Variants in CCDC171 observed in about 807,000 individuals in gnomAD.
CCDC171 encodes coiled-coil domain-containing protein 171.
CCDC171 carries 177 observed loss-of-function variants against 168.2 expected under a neutral mutation model. That is an observed-to-expected ratio of 1.05 (90% CI 0.93 to 1.19). CCDC171 has a LOEUF of 1.19. Ranked by LOEUF, CCDC171 falls within the 50% of genes most tolerant of loss-of-function variation. CCDC171 has a pLI of 0.00. For missense variants in CCDC171, 1,991 were observed against 1,539.0 expected, an observed-to-expected ratio of 1.29 and a Z score of -4.91; for synonymous variants, 687 against 540.8, an observed-to-expected ratio of 1.27 and a Z score of -3.75.
intron 19 of CCDC171, among the ~76,000 whole-genome samples, chr9:15,778,643 C>CAA (rs527592822): frequency 0.16 from 9,083 of 57,630 alleles, 1,271 homozygotes; most frequent in African/African-American, 0.3. Flanking sequence ...AAGACTGTCT[C>CAA]AAAAAAAAAA....
chr9:15,862,254 T>G (rs2061591827), intron 23 of CCDC171, among the ~76,000 whole-genome samples: 1 of 151,906 alleles, frequency 6.6e-6, no homozygotes, highest in Non-Finnish European at 1.5e-5. Flanking sequence ...TCTTTATTAC[T>G]ATTATTATTT....
At chr9:16,010,915 C>G (rs1006065038) in intron 3 of CCDC171, among the ~76,000 whole-genome samples, 5 of 152,112 alleles carry the variant, frequency 3.3e-5, no homozygotes, top group Non-Finnish European at 5.9e-5. Context: ...ATACCCACAT[C>G]TGACTGTCAT....
chr9:16,081,858 A>C, the CCDC171 span, among the ~76,000 whole-genome samples: 1 of 152,022 alleles, frequency 6.6e-6, no homozygotes. Flanking sequence ...ATTACTTTAA[A>C]AAAAAAAACC....
At position 15,591,350 on chromosome 9, in the gene CCDC171, A is replaced by G; in HGVS notation, c.353-16A>G. The G allele has an allele frequency of 1.3e-6, 2 of 1,516,932 alleles. No homozygotes were observed. Among genetic ancestry groups the G allele is most frequent in the South Asian group, 2.4e-5 (2 of 82,344 alleles). 94.0% of individuals were successfully genotyped at this position (1,516,932 alleles called of 1,614,324 possible). On this transcript the variant is annotated splice_polypyrimidine_tract_variant and intron_variant, in intron 4 of 25. Coordinates refer to ENST00000380701, the MANE Select transcript of CCDC171 (RefSeq NM_173550.4). ...ATTCATGGTTGTAAATGTACCTATT[A>G]TTCTATTCTTAATAGCACAGAATTC... is the stretch of plus-strand genomic sequence containing the variant.
rs186003357 is a variant in CCDC171 at position 15,838,249 on chromosome 9, A to C, written c.3268-8453A>C. On this transcript the variant is annotated intron_variant, in intron 21 of 25. Coordinates refer to ENST00000380701, the MANE Select transcript of CCDC171 (RefSeq NM_173550.4). ...ATATTAAGGAAAACTATTATAAGCCAGTTCTTTGAAAATCATTTTTAACAT... is the reference window on the plus strand; with the variant it reads ...ATATTAAGGAAAACTATTATAAGCCCGTTCTTTGAAAATCATTTTTAACAT... Among the ~76,000 whole-genome samples, 183 of 152,350 alleles carry C rather than the reference A, an allele frequency of 1.2e-3. 1 individual carries two copies. The highest frequency in any genetic ancestry group is 4.1e-3 in the African/African-American group (169 of 41,596).
chr9:15,900,980 A>G (rs1453552866), intron 24 of CCDC171, among the ~76,000 whole-genome samples: 1 of 152,166 alleles, frequency 6.6e-6, no homozygotes, highest in African/African-American at 2.4e-5. Flanking sequence ...AAACTTTTTC[A>G]TAGCACACTC....
At chr9:15,838,064 G>A (rs1290721873) in intron 21 of CCDC171, among the ~76,000 whole-genome samples, 1 of 152,108 alleles carries the variant, frequency 6.6e-6, no homozygotes, top group Non-Finnish European at 1.5e-5. Flanking sequence ...CTGCTATGAT[G>A]TAGGGTTTAT....
At chr9:15,908,317 A>G (rs1298160938) in intron 24 of CCDC171, among the ~76,000 whole-genome samples, 1 of 152,216 alleles carries the variant, frequency 6.6e-6, no homozygotes, top group Non-Finnish European at 1.5e-5. Flanking sequence ...ATGGAATACT[A>G]TGCAGCCATA....
At chr9:15,629,960 T>C (rs2045534535) in intron 7 of CCDC171, among the ~76,000 whole-genome samples, 1 of 152,154 alleles carries the variant, frequency 6.6e-6, no homozygotes, top group Non-Finnish European at 1.5e-5. Context: ...TAAAATCCTT[T>C]ACAGAAAAGC....
chr9:15,594,803 T>A (rs1220798692), intron 6 of CCDC171, among the ~76,000 whole-genome samples: 1 of 152,144 alleles, frequency 6.6e-6, no homozygotes, highest in Non-Finnish European at 1.5e-5. Context: ...TGTATTTATT[T>A]TGAAGGAGAG....
At chr9:15,821,240 G>A (rs1377021518) in intron 21 of CCDC171, among the ~76,000 whole-genome samples, 1 of 117,266 alleles carries the variant, frequency 8.5e-6, no homozygotes, top group Non-Finnish European at 1.9e-5. Context: ...ATACTGAATG[G>A]ACAAAAACTG....
chr9:15,639,136 A>G (rs1183982712), intron 7 of CCDC171, among the ~76,000 whole-genome samples: 1 of 152,068 alleles, frequency 6.6e-6, no homozygotes, highest in Non-Finnish European at 1.5e-5. Context: ...GTTGTATTTT[A>G]CCTTTCATAA....
chr9:15,647,417 A>G (rs1164122953), intron 7 of CCDC171, among the ~76,000 whole-genome samples: 2 of 152,218 alleles, frequency 1.3e-5, no homozygotes, highest in Non-Finnish European at 2.9e-5. Context: ...TGAAGGAGAT[A>G]GAGACACAAA....
intron 7 of CCDC171, among the ~76,000 whole-genome samples, chr9:15,655,505 C>G (rs1349647045): frequency 2.6e-5 from 4 of 152,164 alleles, no homozygotes; most frequent in Non-Finnish European, 5.9e-5. Flanking sequence ...AAATAAAGAT[C>G]TTGACTTCTG....
At chr9:15,910,713 C>T (rs1318450355) in intron 24 of CCDC171, among the ~76,000 whole-genome samples, 2 of 151,264 alleles carry the variant, frequency 1.3e-5, no homozygotes, top group Non-Finnish European at 1.5e-5. Flanking sequence ...CACCCCACAA[C>T]AGGCCCCGGT....
chr9:15,679,409 A>G (rs966504517), intron 10 of CCDC171, among the ~76,000 whole-genome samples: 1 of 152,178 alleles, frequency 6.6e-6, no homozygotes, highest in Non-Finnish European at 1.5e-5. Context: ...TGTTTTCAGA[A>G]TAACGGCCAG....
At chr9:15,713,942 T>G (rs1406591496) in intron 11 of CCDC171, among the ~76,000 whole-genome samples, 4 of 151,754 alleles carry the variant, frequency 2.6e-5, no homozygotes, top group African/African-American at 7.3e-5. Context: ...CTGGTCCTGC[T>G]AGATGAAAAA....
chr9:15,892,384 C>G (rs1220826760), intron 24 of CCDC171, among the ~76,000 whole-genome samples: 1 of 152,068 alleles, frequency 6.6e-6, no homozygotes, highest in Non-Finnish European at 1.5e-5. Flanking sequence ...CCTTCAATAC[C>G]TAGTTTATTG....
chr9:16,082,066 G>T, the CCDC171 span, among the ~76,000 whole-genome samples: 1 of 152,056 alleles, frequency 6.6e-6, no homozygotes, highest in African/African-American at 2.4e-5. Flanking sequence ...TCTTGATTTT[G>T]TAAAATTGTC....
Sources: allele counts gnomAD v4.1 joint callset (sites outside exome capture counted in the v4.1 genomes callset), GRCh38; gene constraint gnomAD v4.1.1; transcripts MANE v1.5; gene names NCBI Gene and HGNC (gene_info 2026-07-23, HGNC 2026-07-21).